The following KCNN3 variants were observed in gnomAD, a reference collection of about 807,000 sequenced individuals.
The protein encoded by KCNN3 is potassium calcium-activated channel subfamily N member 3, also known as small conductance calcium-activated potassium channel protein 3.
In KCNN3, 16 loss-of-function variants were observed where a neutral mutation model predicts 62.9. That is an observed-to-expected ratio of 0.25 (90% CI 0.17 to 0.39). KCNN3 has a LOEUF of 0.39. Ranked by LOEUF, KCNN3 falls within the 10% of genes least tolerant of loss-of-function variation. KCNN3 has a pLI of 1.00. For missense variants in KCNN3, 599 were observed against 949.4 expected, an observed-to-expected ratio of 0.63 and a Z score of 4.85; for synonymous variants, 370 against 389.2, an observed-to-expected ratio of 0.95 and a Z score of 0.58.
intron 2 of KCNN3, among the ~76,000 whole-genome samples, chr1:154,782,951 G>A (rs984979411): frequency 3.9e-5 from 6 of 152,206 alleles, no homozygotes; most frequent in African/African-American, 9.7e-5. Context: ...GGAGGCTCAC[G>A]CCTGTAATCC....
intron 5 of KCNN3, among the ~76,000 whole-genome samples, chr1:154,721,813 AGTAT>A (rs1700356697): frequency 6.6e-6 from 1 of 151,490 alleles, no homozygotes; most frequent in Non-Finnish European, 1.5e-5. Context: ...ATGGGGCTCT[AGTAT>A]CTTTCTTCCA....
chr1:154,729,119 T>A (rs992015598), intron 4 of KCNN3, among the ~76,000 whole-genome samples: 7 of 152,134 alleles, frequency 4.6e-5, no homozygotes, highest in Admixed American at 4.6e-4. Context: ...AACTGTGGAA[T>A]CTTTGAAATG....
chr1:154,833,468 T>C (rs564424489), intron 1 of KCNN3, among the ~76,000 whole-genome samples: 1 of 152,276 alleles, frequency 6.6e-6, no homozygotes, highest in Admixed American at 6.5e-5. Context: ...CTTCCTTCCA[T>C]TTCCACACCC....
intron 1 of KCNN3, among the ~76,000 whole-genome samples, chr1:154,857,626 T>G (rs16836479): frequency 1.3e-5 from 2 of 152,154 alleles, no homozygotes; most frequent in Non-Finnish European, 2.9e-5. Context: ...TGCTGCACAA[T>G]GTGAGGGCGT....
At chr1:154,866,409 G>C (rs1652958626) in intron 1 of KCNN3, among the ~76,000 whole-genome samples, 2 of 152,178 alleles carry the variant, frequency 1.3e-5, no homozygotes, top group South Asian at 4.1e-4. Context: ...CTACTCGACA[G>C]CTGGGGAAAC....
At chr1:154,834,633 A>G (rs1651511047) in intron 1 of KCNN3, among the ~76,000 whole-genome samples, 1 of 152,196 alleles carries the variant, frequency 6.6e-6, no homozygotes, top group South Asian at 2.1e-4. Flanking sequence ...CAAACTCTAC[A>G]AGGACTTACT....
chr1:154,858,431 C>T (rs968176008), intron 1 of KCNN3, among the ~76,000 whole-genome samples: 2 of 152,248 alleles, frequency 1.3e-5, no homozygotes, highest in African/African-American at 4.8e-5. Context: ...CTGCGCAAGG[C>T]CACACAGCCA....
intron 2 of KCNN3, among the ~76,000 whole-genome samples, chr1:154,810,132 G>T (rs887741311): frequency 6.6e-6 from 1 of 152,200 alleles, no homozygotes; most frequent in Non-Finnish European, 1.5e-5. Context: ...GAGTTTGGGT[G>T]GAAGGCTGCT....
chr1:154,869,840 G>GGCTGCT lies in KCNN3; in HGVS notation c.119_124dup (p.Gln40_Gln41dup), dbSNP rs753586364. ...GGCTGCTGGTGGCGCTGGCGGTGGT[G>GGCTGCT]GCTGCTGCTGCTGTTGCTGCTGCTG... On this transcript the variant is annotated inframe_insertion, in exon 1 of 8. Transcript: ENST00000271915. The surrounding 1 kb of genome is among the most constrained non-coding windows in gnomAD (Gnocchi z 6.1). The GGCTGCT allele has an allele frequency of 2.5e-6, 4 of 1,571,638 alleles. No individual in the cohort carries two copies. The African/African-American group carries it at 5.4e-5, about 21-fold the overall frequency.
rs552481625 is a variant in KCNN3, at chr1:154,832,525, G to C, written c.934-10341C>G. ...GGTCAATTTGCCATCACCATGAGGGGTTCACCTAGCAAATATTTACTGCTC... is the reference window on the plus strand; with the variant it reads ...GGTCAATTTGCCATCACCATGAGGGCTTCACCTAGCAAATATTTACTGCTC... On this transcript the variant is annotated intron_variant, in intron 1 of 7. Transcript: ENST00000271915. Among the ~76,000 whole-genome samples, 6 of 152,166 alleles carry C rather than the reference G, an allele frequency of 3.9e-5. No individual in the cohort carries two copies. The East Asian group carries it at 1.2e-3, about 29-fold the overall frequency.
At chr1:154,733,197 G>A in intron 3 of KCNN3, 53 bp from the exon 4 acceptor site, 1 of 1,583,280 alleles carries the variant, frequency 6.3e-7, no homozygotes, top group Non-Finnish European at 8.7e-7. Flanking sequence ...CTGGGAGTAA[G>A]GGCTGTGGGC....
chr1:154,834,434 G>A (rs1051118904), intron 1 of KCNN3, among the ~76,000 whole-genome samples: 3 of 152,196 alleles, frequency 2.0e-5, no homozygotes, highest in African/African-American at 7.2e-5. Flanking sequence ...TGGTCTAGGG[G>A]GGGTCAGGGA....
chr1:154,821,786 C>T (rs992439082), intron 2 of KCNN3, among the ~76,000 whole-genome samples: 3 of 152,176 alleles, frequency 2.0e-5, no homozygotes, highest in Admixed American at 1.3e-4. Flanking sequence ...TCTCCCGGTC[C>T]GATGGTGCTC....
At chr1:154,847,983 T>G (rs1324077572) in intron 1 of KCNN3, among the ~76,000 whole-genome samples, 1 of 152,174 alleles carries the variant, frequency 6.6e-6, no homozygotes, top group African/African-American at 2.4e-5. Context: ...ACGCTGCTGC[T>G]GTCCTCCATA....
At chr1:154,867,936 G>A in intron 1 of KCNN3, 6 of 984,824 alleles carry the variant, frequency 6.1e-6, no homozygotes, top group Non-Finnish European at 6.0e-6. Context: ...GCAGAGCATC[G>A]GCAGAAACCC....
intron 3 of KCNN3, among the ~76,000 whole-genome samples, chr1:154,763,432 A>T (rs1316554574): frequency 1.3e-5 from 2 of 152,076 alleles, no homozygotes; most frequent in Non-Finnish European, 2.9e-5. Context: ...GTGGCTATCC[A>T]CAGGCACAAT....
At chr1:154,755,492 G>A (rs1486842958) in intron 3 of KCNN3, among the ~76,000 whole-genome samples, 2 of 87,196 alleles carry the variant, frequency 2.3e-5, no homozygotes, top group Non-Finnish European at 4.9e-5. Context: ...AGGAAGAAAG[G>A]GAGAAAGAAA....
intron 2 of KCNN3, among the ~76,000 whole-genome samples, chr1:154,782,712 A>G (rs968193582): frequency 5.9e-5 from 9 of 152,204 alleles, no homozygotes; most frequent in Non-Finnish European, 1.5e-5. Context: ...TTCTGCACAT[A>G]CCATTTCATT....
chr1:154,711,731 G>T (rs934585212), intron 7 of KCNN3, among the ~76,000 whole-genome samples: 1 of 152,142 alleles, frequency 6.6e-6, no homozygotes, highest in Non-Finnish European at 1.5e-5. Context: ...GGGTGGATAC[G>T]TGGCCCAAAT....
Sources: allele counts gnomAD v4.1 joint callset (sites outside exome capture counted in the v4.1 genomes callset), GRCh38; gene constraint gnomAD v4.1.1; non-coding constraint Gnocchi (gnomAD v3.1); transcripts MANE v1.5; gene names NCBI Gene and HGNC (gene_info 2026-07-23, HGNC 2026-07-21).